Variants in LAMA5 observed in about 807,000 individuals in gnomAD.
LAMA5 encodes laminin subunit alpha-5.
LAMA5 carries 260 observed loss-of-function variants against 433.4 expected under a neutral mutation model. The ratio of observed to expected loss-of-function variants is 0.60; its 90% CI spans 0.54 to 0.66. The LOEUF is 0.66. Among genes scored for constraint, LAMA5 ranks in the 30% least tolerant of loss-of-function variants. The probability of loss-of-function intolerance (pLI) is 0.00; values close to 1 mark genes in which losing one functional copy is unlikely to be tolerated. For synonymous variants in LAMA5, 2,620 were observed against 2,226.6 expected (o/e 1.18, Z -4.97); for missense variants, 5,378 against 5,258.5 (o/e 1.02, Z -0.70).
intron 17 of LAMA5, 81 bp from the exon 18 acceptor site, chr20:62,336,526 AGGGGTGGT>A: frequency 7.7e-7 from 1 of 1,291,364 alleles, no homozygotes; most frequent in Non-Finnish European, 1.1e-6. Context: ...AGCCCTGACA[AGGGGTGGT>A]GAGGGCTGAG....
In LAMA5 at chr20:62,324,200, C is replaced by T; in HGVS notation, c.5648G>A (p.Cys1883Tyr). 1 of 1,577,300 alleles carries T rather than the reference C, an allele frequency of 6.3e-7. No individual in the cohort carries two copies. Among genetic ancestry groups the T allele is most frequent in the Non-Finnish European group, 8.5e-7 (1 of 1,170,954 alleles). The change falls in exon 43 of 80, where the codon TGC becomes TAC. Residue 1883 changes from cysteine (C) to tyrosine (Y), a missense_variant. By Grantham distance (194) the Cys-to-Tyr change is radical. Transcript: ENST00000252999. This position sits in a 1 kb window ranked among gnomAD's most constrained non-coding sequence, Gnocchi z 4.4. ...CLPGSGVCVDCQHNTEGAHCE... is the reference protein window; with the variant it reads ...CLPGSGVCVDYQHNTEGAHCE... ...GTGGGCCCCTTCGGTGTTGTGCTGGCAGTCCTGGGGCAGAGTGGACAGTCA... is the reference window on the plus strand; with the variant it reads ...GTGGGCCCCTTCGGTGTTGTGCTGGTAGTCCTGGGGCAGAGTGGACAGTCA...
At chr20:62,347,113 T>C (rs2046233789) in intron 6 of LAMA5, 85 bp from the exon 7 acceptor site, 3 of 1,028,480 alleles carry the variant, frequency 2.9e-6, no homozygotes, top group East Asian at 2.5e-5. Context: ...GGGCCTGTGA[T>C]CCCCTCGATG....
At chr20:62,326,122 A>G (rs545891325) in intron 40 of LAMA5, among the ~76,000 whole-genome samples, 12 of 152,262 alleles carry the variant, frequency 7.9e-5, no homozygotes, top group African/African-American at 2.9e-4. Context: ...TGGGAAGCTG[A>G]GACAGAAGAA....
intron 2 of LAMA5, chr20:62,355,337 G>C (rs1296404831): frequency 6.6e-6 from 1 of 152,402 alleles, no homozygotes; most frequent in Non-Finnish European, 1.5e-5. Context: ...CCAAGGGGGA[G>C]AGTGGGGTCC....
Position 62,312,408 on chromosome 20 carries a change from C to T in LAMA5, c.9352G>A (p.Asp3118Asn), listed in dbSNP as rs756142433. The change falls in exon 68 of 80, where the codon GAC (aspartate) becomes AAC (asparagine). Residue 3118 changes from aspartate to asparagine, a missense_variant. By Grantham distance (23) the Asp-to-Asn change is conservative. Coordinates refer to ENST00000252999, the MANE Select transcript of LAMA5 (RefSeq NM_005560.6). ...TTGVSAGCTADLLVGRAMTFH... is the reference protein window; with the variant it reads ...TTGVSAGCTANLLVGRAMTFH... ...CGGGGAGGGCTGCTCACCAGCAGGT[C>T]GGCGGTGCAGCCGGCGCTCACGCCT... The T allele has an allele frequency of 2.5e-6, 4 of 1,598,174 alleles. No individual in the cohort carries two copies. The highest frequency in any genetic ancestry group is 1.3e-5 in the African/African-American group (1 of 74,892).
At position 62,311,544 on chromosome 20, in the gene LAMA5, G is replaced by GGGCGGGCA. The variant is rs781366224; in HGVS notation, c.9807-16_9807-9dup. ...CGCTGTGGGCCCAGGAGCCTGTGCA[G>GGGCGGGCA]GGCGGGCAGGCGGTCAGCAGCTGCG... is the stretch of plus-strand genomic sequence containing the variant. On this transcript the variant is annotated splice_polypyrimidine_tract_variant and intron_variant, in intron 71 of 79. Coordinates refer to ENST00000252999, the MANE Select transcript of LAMA5 (RefSeq NM_005560.6). 4.3e-6 allele frequency: 7 copies of GGGCGGGCA among 1,609,862 alleles called. No homozygotes were observed. In the South Asian group the frequency reaches 7.7e-5, roughly 18 times the overall value.
At chr20:62,348,113 C>T (rs772595656) in intron 6 of LAMA5, among the ~76,000 whole-genome samples, 16 of 152,178 alleles carry the variant, frequency 1.1e-4, no homozygotes, top group African/African-American at 2.2e-4. Flanking sequence ...GCCGGGCTGG[C>T]GATACCCTGG....
chr20:62,309,540 C>A (rs1985876226), intron 79 of LAMA5, 65 bp from the exon 80 acceptor site: 1 of 1,342,792 alleles, frequency 7.4e-7, no homozygotes, highest in African/African-American at 1.5e-5. Flanking sequence ...CAGGCCCTTC[C>A]CAAACGTCAG....
chr20:62,337,455 G>C, intron 16 of LAMA5, 135 bp downstream of exon 16: 2 of 1,219,092 alleles, frequency 1.6e-6, no homozygotes, highest in South Asian at 1.5e-5. Context: ...TGCGAACACA[G>C]AGCGTGGGGA....
At position 62,327,310 on chromosome 20, in the gene LAMA5, G is replaced by A. The variant is rs34000043; in HGVS notation, c.5035C>T (p.Arg1679Trp). The change falls in exon 38 of 80, where the codon CGG becomes TGG. Residue 1679 changes from arginine to tryptophan, a missense_variant. Transcript: ENST00000252999. The part of the protein sequence containing the change: ...PGTEMLRADL[R>W]HVPEAVPEAF... ...TCGGGCACAGCCTCAGGCACGTGCC[G>A]CAGGTCTGCACGGAGCATCTCCGTC... is the stretch of plus-strand genomic sequence containing the variant. 16,304 of 1,594,808 alleles carry A rather than the reference G, an allele frequency of 0.01. 107 individuals carry two copies. Among genetic ancestry groups the A allele is most frequent in the Non-Finnish European group, 0.012 (13,564 of 1,170,302 alleles).
chr20:62,350,521 C>A (rs1021924637), intron 6 of LAMA5, among the ~76,000 whole-genome samples: 1 of 152,196 alleles, frequency 6.6e-6, no homozygotes, highest in Non-Finnish European at 1.5e-5. Context: ...CCCGCCTCCC[C>A]ACCTCCCCTG....
intron 34 of LAMA5, 90 bp from the exon 35 acceptor site, chr20:62,328,535 G>A (rs1979736273): frequency 2.3e-6 from 3 of 1,325,724 alleles, no homozygotes; most frequent in East Asian, 5.1e-5. Flanking sequence ...ATGTGGCAGT[G>A]TGACGGGGGC....
Position 62,309,080 on chromosome 20 carries a change from T to G in LAMA5, c.*256A>C. 1.6e-6 allele frequency: 1 copy of G among 608,986 alleles called. No homozygotes were observed. Among genetic ancestry groups the G allele is most frequent in the Non-Finnish European group, 2.7e-6 (1 of 364,476 alleles). The allele number at this position is 608,986 out of a possible 1,614,324, so 37.7% of individuals were successfully genotyped here. A position where few individuals can be genotyped will look rare whatever the true frequency, so the allele number is the denominator to read the frequency against. On this transcript the variant is annotated 3_prime_UTR_variant, in exon 80 of 80. Transcript: ENST00000252999. ...ATTCATTCGGTTACACAGAAGTTAC[T>G]TTTTAATTTTTAAGGAGGAACCAGT...
chr20:62,316,048 G>A lies in LAMA5; in HGVS notation c.7767C>T (p.Ala2589=). 1 of 1,607,708 alleles carries A rather than the reference G, an allele frequency of 6.2e-7. No homozygotes were observed. Among genetic ancestry groups the A allele is most frequent in the Non-Finnish European group, 8.5e-7 (1 of 1,178,816 alleles). The part of the protein sequence containing the change: ...EQQRLGLVWA[A]LQGARTQLRD... Reference sequence around the variant, plus strand: ...GGAGCTGGGTCCTGGCACCCTGGAGGGCAGCCCACACTGCGGGGGAGGCAG... The same window carrying A: ...GGAGCTGGGTCCTGGCACCCTGGAGAGCAGCCCACACTGCGGGGGAGGCAG... Residue 2589 remains alanine, a synonymous_variant, in exon 58 of 80, where the codon GCC becomes GCT. Coordinates refer to ENST00000252999, the MANE Select transcript of LAMA5 (RefSeq NM_005560.6).
chr20:62,311,310 G>A lies in LAMA5; in HGVS notation c.9943-3C>T, dbSNP rs1952831187. ...GGCTGACGGCTGCGGCGGGAGGCCT[G>A]GGGGCGTGGATGGTGAATGCAGGGG... On this transcript the variant is annotated splice_polypyrimidine_tract_variant and splice_region_variant and intron_variant, in intron 72 of 79. Coordinates refer to ENST00000252999, the MANE Select transcript of LAMA5 (RefSeq NM_005560.6). The A allele has an allele frequency of 1.9e-6, 3 of 1,565,490 alleles. No individual in the cohort carries two copies. The highest frequency in any genetic ancestry group is 1.4e-5 in the African/African-American group (1 of 73,752).
rs199655569 is a variant in LAMA5 at position 62,328,428 on chromosome 20, G to A, written c.4465C>T (p.Arg1489Cys). The change falls in exon 35 of 80, where the codon CGC becomes TGC. Residue 1489 changes from arginine (R) to cysteine (C), a missense_variant. By Grantham distance (180) the Arg-to-Cys change is radical (BLOSUM62 -3). Coordinates refer to ENST00000252999, the MANE Select transcript of LAMA5 (RefSeq NM_005560.6). ...PNCRPCDCGA[R>C]LCDELTGQCI... ...TGGCCCGTGAGCTCGTCACAGAGGC[G>A]GGCACCGCAGTCACAGGCTGTGGGG... 8.5e-4 allele frequency: 1,276 copies of A among 1,506,498 alleles called. 1 individual carries two copies. Among genetic ancestry groups the A allele is most frequent in the Non-Finnish European group, 1.1e-3 (1,214 of 1,120,900 alleles). The allele number at this position is 1,506,498 out of a possible 1,614,324, so 93.3% of individuals were successfully genotyped here. A position where few individuals can be genotyped will look rare whatever the true frequency, so the allele number is the denominator to read the frequency against.
chr20:62,345,189 G>A (rs1983163023), intron 11 of LAMA5, among the ~76,000 whole-genome samples: 2 of 151,396 alleles, frequency 1.3e-5, no homozygotes, highest in South Asian at 4.2e-4. Flanking sequence ...AGCTAGTAGA[G>A]ACGGGGTTTC....
intron 2 of LAMA5, 38 bp from the exon 3 acceptor site, chr20:62,353,289 C>T: frequency 6.9e-7 from 1 of 1,449,368 alleles, no homozygotes; most frequent in Non-Finnish European, 9.5e-7. Flanking sequence ...CCAGGGGCGC[C>T]TGGATTCCCA....
intron 40 of LAMA5, 35 bp from the exon 41 acceptor site, chr20:62,325,581 A>G (rs779912948): frequency 5.4e-5 from 76 of 1,402,908 alleles, no homozygotes; most frequent in Non-Finnish European, 7.2e-5. Context: ...GTGGGGCCAC[A>G]CTCAATGGGA....
Sources: allele counts gnomAD v4.1 joint callset (sites outside exome capture counted in the v4.1 genomes callset), GRCh38; gene constraint gnomAD v4.1.1; non-coding constraint Gnocchi (gnomAD v3.1); transcripts MANE v1.5; gene names NCBI Gene and HGNC (gene_info 2026-07-23, HGNC 2026-07-21).